The following ULK4 variants were observed in gnomAD, a reference collection of about 807,000 sequenced individuals.
ULK4 encodes the protein unc-51 like kinase 4.
ULK4 carries 133 observed loss-of-function variants against 160.6 expected under a neutral mutation model. The observed-to-expected ratio is 0.83, with a 90% CI of 0.72 to 0.96. The LOEUF is 0.96. Ranked by LOEUF, ULK4 falls within the 40% of genes least tolerant of loss-of-function variation. ULK4 has a pLI of 0.00. For synonymous variants in ULK4, 534 were observed against 539.8 expected (o/e 0.99, Z 0.15); for missense variants, 1,580 against 1,499.5 (o/e 1.05, Z -0.89).
intron 17 of ULK4, among the ~76,000 whole-genome samples, chr3:41,836,461 G>A (rs1251237817): frequency 6.6e-6 from 1 of 152,058 alleles, no homozygotes; most frequent in Non-Finnish European, 1.5e-5. Flanking sequence ...GTGAGTCAGT[G>A]CACCTGACTC....
chr3:41,882,108 C>T, intron 17 of ULK4: 4 of 679,504 alleles, frequency 5.9e-6, no homozygotes, highest in Admixed American at 2.1e-5. Context: ...CCTGCAGCAG[C>T]AAAACACACC....
intron 17 of ULK4, among the ~76,000 whole-genome samples, chr3:41,845,831 C>T (rs1284202298): frequency 6.6e-6 from 1 of 152,112 alleles, no homozygotes; most frequent in African/African-American, 2.4e-5. Context: ...CATGAATCCA[C>T]AATTATCTCA....
At chr3:41,413,745 C>A (rs1316037258) in intron 34 of ULK4, among the ~76,000 whole-genome samples, 1 of 152,060 alleles carries the variant, frequency 6.6e-6, no homozygotes. Flanking sequence ...AAAACTATGG[C>A]CCAACTTTGG....
At chr3:41,840,482 T>C (rs2041879974) in intron 17 of ULK4, among the ~76,000 whole-genome samples, 1 of 152,168 alleles carries the variant, frequency 6.6e-6, no homozygotes, top group Non-Finnish European at 1.5e-5. Flanking sequence ...CTCCGATGGT[T>C]CTCCTGCCTT....
intron 30 of ULK4, among the ~76,000 whole-genome samples, chr3:41,637,414 T>A (rs927293122): frequency 1.3e-5 from 2 of 152,312 alleles, no homozygotes; most frequent in Admixed American, 1.3e-4. Context: ...ATTGTGTATA[T>A]CTACCACATT....
At chr3:41,306,584 C>T (rs1165140810) in intron 35 of ULK4, among the ~76,000 whole-genome samples, 8 of 151,362 alleles carry the variant, frequency 5.3e-5, no homozygotes, top group African/African-American at 9.7e-5. Context: ...CACCTCTGCC[C>T]GGCCGCCCCT....
chr3:41,587,801 A>C (rs998721596), intron 31 of ULK4, among the ~76,000 whole-genome samples: 1 of 152,208 alleles, frequency 6.6e-6, no homozygotes, highest in Non-Finnish European at 1.5e-5. Flanking sequence ...GTCACAGATA[A>C]AAGCTTTAAA....
chr3:41,824,622 G>A (rs377459651), intron 18 of ULK4, among the ~76,000 whole-genome samples: 2 of 152,190 alleles, frequency 1.3e-5, no homozygotes, highest in African/African-American at 4.8e-5. Flanking sequence ...TGGGGGAGGG[G>A]TGCCTACCAT....
chr3:41,917,850 C>T (rs995445287), intron 7 of ULK4, among the ~76,000 whole-genome samples: 22 of 151,802 alleles, frequency 1.4e-4, no homozygotes, highest in South Asian at 1.0e-3. Context: ...AGCCGGGTGC[C>T]GTGGTGGGCA....
rs2087780027 is a variant in ULK4 at position 41,566,275 on chromosome 3, T to A, written c.3121-145A>T. On this transcript the variant is annotated intron_variant, in intron 31 of 36. Transcript: ENST00000301831. ...TTTGCACTTTAATGAAGCACATCCTTCTATGTTAAGACAAATCCCATCAGT... is the reference window on the plus strand; with the variant it reads ...TTTGCACTTTAATGAAGCACATCCTACTATGTTAAGACAAATCCCATCAGT... 8.8e-6 allele frequency: 6 copies of A among 678,132 alleles called. No homozygotes were observed. In the Admixed American group the frequency reaches 1.7e-4, roughly 19 times the overall value. 42.0% of individuals were successfully genotyped at this position (678,132 alleles called of 1,614,324 possible). A position where few individuals can be genotyped will look rare whatever the true frequency, so the allele number is the denominator to read the frequency against.
chr3:41,364,134 C>G (rs2081204578), intron 35 of ULK4, among the ~76,000 whole-genome samples: 1 of 152,182 alleles, frequency 6.6e-6, no homozygotes, highest in South Asian at 2.1e-4. Flanking sequence ...GACAAGGTCT[C>G]AAAATGTTGC....
chr3:41,459,850 T>A (rs961277809), intron 33 of ULK4, among the ~76,000 whole-genome samples: 9 of 152,140 alleles, frequency 5.9e-5, no homozygotes, highest in African/African-American at 1.4e-4. Context: ...GCTGGAAAGG[T>A]ACCCTGGGGC....
chr3:41,946,771 C>G (rs947112670), intron 2 of ULK4, among the ~76,000 whole-genome samples: 2 of 152,070 alleles, frequency 1.3e-5, no homozygotes, highest in Non-Finnish European at 2.9e-5. Flanking sequence ...GTCAAAGGGC[C>G]AAGAGATTTA....
intron 18 of ULK4, among the ~76,000 whole-genome samples, chr3:41,827,027 A>G (rs1409358277): frequency 6.6e-6 from 1 of 151,144 alleles, no homozygotes; most frequent in East Asian, 1.9e-4. Context: ...GCTCCACTAC[A>G]TGGAAACTGA....
Position 41,937,291 on chromosome 3 carries a change from T to A in ULK4, c.238+807A>T, listed in dbSNP as rs373506025. On this transcript the variant is annotated intron_variant, in intron 3 of 36. Transcript: ENST00000301831. ...AACTAATTCCAGGACTGTGTCTTGA[T>A]AACCTTGTCCATGTGTACATCCATG... 14 of 686,800 alleles carry A rather than the reference T, an allele frequency of 2.0e-5. No individual in the cohort carries two copies. In the East Asian group the frequency reaches 3.5e-4, roughly 17 times the overall value. The allele number at this position is 686,800 out of a possible 1,614,324, so 42.5% of individuals were successfully genotyped here.
At chr3:41,562,799 C>G (rs2087640207) in intron 32 of ULK4, among the ~76,000 whole-genome samples, 2 of 152,082 alleles carry the variant, frequency 1.3e-5, no homozygotes, top group Admixed American at 1.3e-4. Context: ...ACTGATGGGT[C>G]TTGATTCTTT....
chr3:41,316,588 G>A (rs1384742446), intron 35 of ULK4, among the ~76,000 whole-genome samples: 1 of 152,130 alleles, frequency 6.6e-6, no homozygotes, highest in Non-Finnish European at 1.5e-5. Context: ...ATAAAGATGG[G>A]AACAACAGAC....
intron 29 of ULK4, among the ~76,000 whole-genome samples, chr3:41,664,324 A>C (rs539627153): frequency 8.5e-5 from 13 of 152,294 alleles, no homozygotes; most frequent in African/African-American, 2.9e-4. Flanking sequence ...CAACATAGTA[A>C]AGCCACCTCT....
At chr3:41,421,631 A>T (rs1371201590) in intron 34 of ULK4, among the ~76,000 whole-genome samples, 1 of 152,218 alleles carries the variant, frequency 6.6e-6, no homozygotes, top group Non-Finnish European at 1.5e-5. Context: ...ATTTGGTTAT[A>T]TTAAGTAATG....
Sources: gnomAD v4.1 joint callset for allele counts (sites outside exome capture counted in the v4.1 genomes callset) on GRCh38, gnomAD v4.1.1 for gene constraint, MANE v1.5 for transcripts, NCBI Gene and HGNC (gene_info 2026-07-23, HGNC 2026-07-21) for gene names.